GRIP1: variants seen among roughly 807,000 people sequenced by gnomAD.
GRIP1 encodes the protein glutamate receptor-interacting protein 1.
A neutral mutation model predicts 129.9 loss-of-function variants in GRIP1; 45 were observed. That is an observed-to-expected ratio of 0.35 (90% CI 0.27 to 0.44). The LOEUF is 0.44. Among genes scored for constraint, GRIP1 ranks in the 20% least tolerant of loss-of-function variants. The probability of loss-of-function intolerance (pLI) is 1.00; values close to 1 mark genes in which losing one functional copy is unlikely to be tolerated. For synonymous variants in GRIP1, 530 were observed against 520.8 expected (o/e 1.02, Z -0.24); for missense variants, 1,196 against 1,396.8 (o/e 0.86, Z 2.29).
At chr12:66,737,084 T>C (rs1053869762) in intron 1 of GRIP1, among the ~76,000 whole-genome samples, 28 of 152,114 alleles carry the variant, frequency 1.8e-4, no homozygotes, top group African/African-American at 6.5e-4. Context: ...TCTGGGTGGG[T>C]TGAATAAATT....
chr12:66,410,442 G>T (rs1483068008), intron 15 of GRIP1, among the ~76,000 whole-genome samples: 1 of 147,808 alleles, frequency 6.8e-6, no homozygotes, highest in East Asian at 2.0e-4. Context: ...GACAAGCCTG[G>T]CCAACATGGT....
intron 2 of GRIP1, among the ~76,000 whole-genome samples, chr12:66,588,584 A>G (rs565340865): frequency 6.6e-6 from 1 of 152,258 alleles, no homozygotes; most frequent in East Asian, 1.9e-4. Flanking sequence ...ACTACTCAGG[A>G]TTATGGTCAA....
At chr12:66,614,487 T>G (rs11176320) in intron 1 of GRIP1, among the ~76,000 whole-genome samples, 3,256 of 152,238 alleles carry the variant, frequency 0.021, 118 homozygotes, top group African/African-American at 0.074. Context: ...TTCCTTAGAA[T>G]GTATTGCAAA....
intron 2 of GRIP1, among the ~76,000 whole-genome samples, chr12:66,592,335 A>G (rs1236346897): frequency 6.6e-6 from 1 of 152,158 alleles, no homozygotes; most frequent in Admixed American, 6.6e-5. Context: ...TTTACTACCC[A>G]CTTCCAAATA....
chr12:66,790,839 C>T (rs2038509091), intron 1 of GRIP1, among the ~76,000 whole-genome samples: 1 of 151,854 alleles, frequency 6.6e-6, no homozygotes, highest in Non-Finnish European at 1.5e-5. Context: ...GGAGATAGCC[C>T]AGGAAGAATT....
At chr12:66,526,151 C>T (rs1384936584) in intron 5 of GRIP1, among the ~76,000 whole-genome samples, 1 of 151,440 alleles carries the variant, frequency 6.6e-6, no homozygotes, top group Admixed American at 6.6e-5. Flanking sequence ...CTACCAATGA[C>T]TTTCTTCACA....
chr12:66,840,350 G>A (rs1421736988), intron 1 of GRIP1, among the ~76,000 whole-genome samples: 1 of 152,102 alleles, frequency 6.6e-6, no homozygotes, highest in Admixed American at 6.6e-5. Flanking sequence ...TGGGGTGGTG[G>A]CTTTTAATCA....
intron 1 of GRIP1, among the ~76,000 whole-genome samples, chr12:66,913,191 T>C (rs1003713536): frequency 6.6e-6 from 1 of 152,182 alleles, no homozygotes; most frequent in Non-Finnish European, 1.5e-5. Context: ...ATACTCTTTA[T>C]CCATGTATTT....
At chr12:66,777,701 T>C (rs770688106) in intron 1 of GRIP1, among the ~76,000 whole-genome samples, 12 of 152,122 alleles carry the variant, frequency 7.9e-5, no homozygotes, top group Non-Finnish European at 1.6e-4. Context: ...TATGTACACA[T>C]ACATGCAGAT....
At chr12:67,024,812 G>T (rs930060980) in intron 1 of GRIP1, among the ~76,000 whole-genome samples, 2 of 152,094 alleles carry the variant, frequency 1.3e-5, no homozygotes, top group Admixed American at 6.6e-5. Context: ...TTAGTCAAAA[G>T]ATCTTTACGA....
At chr12:66,591,902 G>A (rs2063860751) in intron 2 of GRIP1, among the ~76,000 whole-genome samples, 1 of 152,046 alleles carries the variant, frequency 6.6e-6, no homozygotes, top group African/African-American at 2.4e-5. Context: ...TGGGATTATA[G>A]GTGTAAGCCA....
At chr12:66,759,894 G>A (rs1418206025) in intron 1 of GRIP1, among the ~76,000 whole-genome samples, 4 of 148,920 alleles carry the variant, frequency 2.7e-5, no homozygotes, top group Non-Finnish European at 4.4e-5. Flanking sequence ...TTGCTCTGTC[G>A]CCCAGGCTGC....
At chr12:66,511,898 C>A (rs28513666) in intron 7 of GRIP1, among the ~76,000 whole-genome samples, 74,738 of 151,960 alleles carry the variant, frequency 0.49, 18,933 homozygotes, top group African/African-American at 0.62. Context: ...CCCAAATCTC[C>A]TCTTGAATTG....
chr12:66,488,045 C>T (rs542319992), intron 7 of GRIP1, among the ~76,000 whole-genome samples: 6 of 152,136 alleles, frequency 3.9e-5, no homozygotes, highest in East Asian at 1.9e-4. Flanking sequence ...TTTTAACACC[C>T]GACAGGCAAT....
In GRIP1 at chr12:66,735,140, T is replaced by A. The variant is rs143568204; in HGVS notation, c.-420+68913A>T. 1.9e-3 allele frequency among the ~76,000 whole-genome samples: 286 copies of A among 152,218 alleles called. 1 individual carries two copies. The highest frequency in any genetic ancestry group is 6.6e-3 in the African/African-American group (276 of 41,526). ...CACAGCAGTGATGGGAAGCAAAAAG[T>A]GGAGTCCCTGTTGTTCTTCTCAATA... On this transcript the variant is annotated intron_variant, in intron 1 of 4. Coordinates refer to the GRIP1 transcript ENST00000538373.
chr12:66,516,103 A>G (rs1169587882), intron 6 of GRIP1, among the ~76,000 whole-genome samples: 2 of 152,144 alleles, frequency 1.3e-5, no homozygotes, highest in Non-Finnish European at 2.9e-5. Flanking sequence ...GAGGCCAGAA[A>G]ATACTATTCA....
At chr12:66,679,213 CTG>C (rs2034481962), upstream of GRIP1, 1 of 1,089,602 alleles carries the variant, frequency 9.2e-7, no homozygotes, top group African/African-American at 1.6e-5. Flanking sequence ...AGGGACGACA[CTG>C]TGTGAGGAGC....
intron 1 of GRIP1, among the ~76,000 whole-genome samples, chr12:66,836,736 C>G (rs1332992585): frequency 6.6e-6 from 1 of 152,144 alleles, no homozygotes; most frequent in Non-Finnish European, 1.5e-5. Context: ...TGGTGTCCTC[C>G]TTCTCTAGTG....
intron 7 of GRIP1, among the ~76,000 whole-genome samples, chr12:66,469,922 G>A (rs1467344304): frequency 6.6e-6 from 1 of 152,114 alleles, no homozygotes; most frequent in Non-Finnish European, 1.5e-5. Context: ...TCCTTCTCCA[G>A]TGATGGGTTC....
Sources: allele counts gnomAD v4.1 joint callset (sites outside exome capture counted in the v4.1 genomes callset), GRCh38; gene constraint gnomAD v4.1.1; transcripts MANE v1.5; gene names NCBI Gene and HGNC (gene_info 2026-07-23, HGNC 2026-07-21).